Variants in AKAP19 observed in about 807,000 individuals in gnomAD.
AKAP19 encodes A-kinase anchoring protein 19.
the AKAP19 span, among the ~76,000 whole-genome samples, chr2:190,151,511 C>G: frequency 6.6e-6 from 1 of 152,170 alleles, no homozygotes; most frequent in Non-Finnish European, 1.5e-5. Context: ...GATTCCAGCT[C>G]CAACCATTTC....
the AKAP19 span, chr2:189,917,216 ATACTT>A: frequency 1.3e-5 from 13 of 983,096 alleles, no homozygotes; most frequent in East Asian, 3.4e-4. Flanking sequence ...AGTGATCAAA[ATACTT>A]AACTGTCCTT....
At chr2:190,021,737 ACT>A in the AKAP19 span, among the ~76,000 whole-genome samples, 1 of 152,218 alleles carries the variant, frequency 6.6e-6, no homozygotes, top group East Asian at 1.9e-4. Context: ...TATAACTGAA[ACT>A]CTGTCAGATC....
chr2:190,053,775 T>A, the AKAP19 span, among the ~76,000 whole-genome samples: 2 of 152,298 alleles, frequency 1.3e-5, no homozygotes, highest in East Asian at 1.9e-4. Flanking sequence ...TAATCAATAT[T>A]TGAATTTAGA....
At chr2:190,092,758 G>T in the AKAP19 span, among the ~76,000 whole-genome samples, 1 of 152,096 alleles carries the variant, frequency 6.6e-6, no homozygotes, top group Non-Finnish European at 1.5e-5. Flanking sequence ...ATCCTTGCCA[G>T]TCCAGAATAA....
chr2:190,120,882 T>C, the AKAP19 span, among the ~76,000 whole-genome samples: 1 of 152,132 alleles, frequency 6.6e-6, no homozygotes, highest in Non-Finnish European at 1.5e-5. Context: ...TACAGGATTG[T>C]TGGGCAGATT....
At chr2:190,063,944 G>A in the AKAP19 span, among the ~76,000 whole-genome samples, 2 of 152,086 alleles carry the variant, frequency 1.3e-5, no homozygotes, top group Non-Finnish European at 2.9e-5. Context: ...TAGGCCAAAG[G>A]AGATTTCTTT....
At chr2:190,038,781 G>A in the AKAP19 span, among the ~76,000 whole-genome samples, 1 of 152,130 alleles carries the variant, frequency 6.6e-6, no homozygotes, top group Non-Finnish European at 1.5e-5. Context: ...AGTCTACCAG[G>A]AGAGGAGGGG....
the AKAP19 span, among the ~76,000 whole-genome samples, chr2:189,987,565 C>A: frequency 6.6e-6 from 1 of 152,170 alleles, no homozygotes. Flanking sequence ...TTCTCCTATT[C>A]CCACTCTGTC....
chr2:189,937,394 T>G, the AKAP19 span, among the ~76,000 whole-genome samples: 140,078 of 152,014 alleles, frequency 0.92, 64,584 homozygotes, highest in East Asian at 0.97. Context: ...AGAGATTTTA[T>G]GTTCCAAAAT....
chr2:190,005,771 A>G, the AKAP19 span, among the ~76,000 whole-genome samples: 1 of 152,198 alleles, frequency 6.6e-6, no homozygotes, highest in Non-Finnish European at 1.5e-5. Flanking sequence ...GCAAATGGCA[A>G]GCTTCATTGA....
the AKAP19 span, among the ~76,000 whole-genome samples, chr2:190,068,984 C>G: frequency 1.3e-5 from 2 of 152,064 alleles, no homozygotes; most frequent in African/African-American, 4.8e-5. Context: ...TTAACAGGGA[C>G]CATACTAGGG....
At chr2:190,097,880 AAGAAAAG>A in the AKAP19 span, among the ~76,000 whole-genome samples, 1 of 142,268 alleles carries the variant, frequency 7.0e-6, no homozygotes, top group Non-Finnish European at 1.5e-5. Flanking sequence ...AAAAAAAAAA[AAGAAAAG>A]AAAAGAAAAG....
At chr2:190,147,728 A>G in the AKAP19 span, among the ~76,000 whole-genome samples, 1 of 118,600 alleles carries the variant, frequency 8.4e-6, no homozygotes, top group Non-Finnish European at 1.8e-5. Context: ...TTGGTTAGGT[A>G]TATTTCTAAG....
chr2:189,988,042 GT>G, the AKAP19 span, among the ~76,000 whole-genome samples: 17 of 152,080 alleles, frequency 1.1e-4, no homozygotes, highest in Non-Finnish European at 1.2e-4. Context: ...GTGCTGATTG[GT>G]TGGCTCAGGG....
the AKAP19 span, among the ~76,000 whole-genome samples, chr2:189,901,399 C>T: frequency 3.3e-5 from 5 of 152,092 alleles, no homozygotes; most frequent in African/African-American, 7.2e-5. Context: ...AATGCAGTGG[C>T]GTGACCTTGG....
chr2:189,883,814 C>G, the AKAP19 span, among the ~76,000 whole-genome samples: 2 of 151,944 alleles, frequency 1.3e-5, no homozygotes, highest in Non-Finnish European at 2.9e-5. Flanking sequence ...CATTCCTTGC[C>G]CTCTAGAGGA....
chr2:190,175,006 G>GAGTACATAGAGTACATAGAGTACATA, the AKAP19 span, among the ~76,000 whole-genome samples: 1 of 151,802 alleles, frequency 6.6e-6, no homozygotes, highest in Non-Finnish European at 1.5e-5. Flanking sequence ...TAGATTACAT[G>GAGTACATAGAGTACATAGAGTACATA]GAGTACATAG....
At chr2:189,946,500 A>G in the AKAP19 span, among the ~76,000 whole-genome samples, 3 of 152,202 alleles carry the variant, frequency 2.0e-5, no homozygotes, top group Non-Finnish European at 4.4e-5. Context: ...AAACAAGTAT[A>G]TTTAAGAGTT....
the AKAP19 span, among the ~76,000 whole-genome samples, chr2:189,961,525 T>C: frequency 6.6e-6 from 1 of 152,184 alleles, no homozygotes; most frequent in Non-Finnish European, 1.5e-5. Context: ...TATATAAAGC[T>C]CTTTAAAACA....
Sources: gnomAD v4.1 joint callset for allele counts (sites outside exome capture counted in the v4.1 genomes callset) on GRCh38, gnomAD v4.1.1 for gene constraint, MANE v1.5 for transcripts, NCBI Gene and HGNC (gene_info 2026-07-23, HGNC 2026-07-21) for gene names.